Variants in HHIP observed in about 807,000 individuals in gnomAD.
The protein encoded by HHIP is hedgehog interacting protein, also known as hedgehog-interacting protein.
HHIP carries 12 observed loss-of-function variants against 74.0 expected under a neutral mutation model. The ratio of observed to expected loss-of-function variants is 0.16; its 90% CI spans 0.10 to 0.26. The LOEUF is 0.26. Among genes scored for constraint, HHIP ranks in the 10% least tolerant of loss-of-function variants. HHIP has a pLI of 1.00. For synonymous variants in HHIP, 309 were observed against 311.6 expected (o/e 0.99, Z 0.09); for missense variants, 788 against 845.0 (o/e 0.93, Z 0.84).
At chr4:144,679,444 G>T (rs1394242471) in intron 4 of HHIP, among the ~76,000 whole-genome samples, 1 of 152,180 alleles carries the variant, frequency 6.6e-6, no homozygotes, top group East Asian at 1.9e-4. Flanking sequence ...CAGTCATGAA[G>T]TCTTTGCCCA....
Position 144,665,821 on chromosome 4 carries a change from T to C in HHIP, c.831+5983T>C, listed in dbSNP as rs72733538. Among the ~76,000 whole-genome samples the C allele has an allele frequency of 1.2e-3, 187 of 152,322 alleles. 2 individuals carry two copies. Among genetic ancestry groups the C allele is most frequent in the Non-Finnish European group, 1.3e-3 (86 of 68,028 alleles). ...CAGATGCCATGTTTCTCCAGTTGAG[T>C]AGAGAAAGCCCTGCCTTCTCCTAAA... On this transcript the variant is annotated intron_variant, in intron 4 of 12. Coordinates refer to ENST00000296575, the MANE Select transcript of HHIP (RefSeq NM_022475.3).
At chr4:144,673,316 C>T (rs1729090772) in intron 4 of HHIP, among the ~76,000 whole-genome samples, 1 of 152,174 alleles carries the variant, frequency 6.6e-6, no homozygotes. Context: ...TACCTTCTTT[C>T]TCATAGTTTC....
Position 144,743,832 on chromosome 4 carries a change from T to C in HHIP, c.*5875T>C, listed in dbSNP as rs1443369615. On this transcript the variant is annotated 3_prime_UTR_variant, in exon 13 of 13. Coordinates refer to ENST00000296575, the MANE Select transcript of HHIP (RefSeq NM_022475.3). Reference sequence around the variant, plus strand: ...CAAACTAATTCTTGTACATTTTCCTTTTCACTAAAAAAATAACTAATTGAT... The same window carrying C: ...CAAACTAATTCTTGTACATTTTCCTCTTCACTAAAAAAATAACTAATTGAT... 6.6e-6 allele frequency: 1 copy of C among 152,094 alleles called. No individual in the cohort carries two copies. Among genetic ancestry groups the C allele is most frequent in the East Asian group, 1.9e-4 (1 of 5,204 alleles). The allele number at this position is 152,094 out of a possible 1,614,324, so 9.4% of individuals were successfully genotyped here.
At position 144,706,888 on chromosome 4, in the gene HHIP, T is replaced by C. The variant is rs578143936; in HGVS notation, c.984-199T>C. Among the ~76,000 whole-genome samples the C allele has an allele frequency of 5.3e-5, 8 of 152,300 alleles. No homozygotes were observed. In the South Asian group the frequency reaches 1.7e-3, roughly 32 times the overall value. On this transcript the variant is annotated intron_variant, in intron 5 of 12. Coordinates refer to ENST00000296575, the MANE Select transcript of HHIP (RefSeq NM_022475.3). Reference sequence around the variant, plus strand: ...GTTTTGACATTTTTCCTCAATTATCTCTCAACTTAAAGGCTACCTCTGAAA... The same window carrying C: ...GTTTTGACATTTTTCCTCAATTATCCCTCAACTTAAAGGCTACCTCTGAAA...
intron 10 of HHIP, among the ~76,000 whole-genome samples, chr4:144,716,269 T>C (rs1300627721): frequency 6.6e-6 from 1 of 152,194 alleles, no homozygotes; most frequent in African/African-American, 2.4e-5. Flanking sequence ...TTTTTTTACA[T>C]CAAATGGAGA....
intron 4 of HHIP, among the ~76,000 whole-genome samples, chr4:144,662,411 G>T (rs1487766899): frequency 6.6e-6 from 1 of 152,324 alleles, no homozygotes; most frequent in East Asian, 1.9e-4. Flanking sequence ...AATTGTAGGA[G>T]ATTGTAGTAC....
chr4:144,669,171 T>G (rs941884007), intron 4 of HHIP, among the ~76,000 whole-genome samples: 3 of 152,210 alleles, frequency 2.0e-5, no homozygotes, highest in African/African-American at 7.2e-5. Flanking sequence ...TGCCCAGAAC[T>G]GAGGACATAA....
chr4:144,662,318 C>T (rs1050498069), intron 4 of HHIP, among the ~76,000 whole-genome samples: 1 of 152,130 alleles, frequency 6.6e-6, no homozygotes, highest in African/African-American at 2.4e-5. Context: ...CATAAGGGAA[C>T]TTGGACAACT....
chr4:144,725,493 T>C (rs1730771183), intron 11 of HHIP, among the ~76,000 whole-genome samples: 1 of 152,196 alleles, frequency 6.6e-6, no homozygotes, highest in Non-Finnish European at 1.5e-5. Flanking sequence ...TCTACCTTTG[T>C]ATGATATGAA....
chr4:144,656,481 A>C (rs1055383510), intron 2 of HHIP, among the ~76,000 whole-genome samples: 7 of 152,162 alleles, frequency 4.6e-5, no homozygotes, highest in African/African-American at 1.7e-4. Context: ...TTTAAATTGG[A>C]ATTGACCACC....
chr4:144,693,270 T>A (rs1181138131), intron 4 of HHIP, among the ~76,000 whole-genome samples: 1 of 152,096 alleles, frequency 6.6e-6, no homozygotes, highest in Non-Finnish European at 1.5e-5. Flanking sequence ...GGTCAAATTA[T>A]GAACATACTA....
rs933215730 is a variant in HHIP, at chr4:144,682,227, C to T, written c.831+22389C>T. Among the ~76,000 whole-genome samples the T allele has an allele frequency of 2.0e-5, 3 of 152,298 alleles. No homozygotes were observed. The East Asian group carries it at 5.8e-4, about 29-fold the overall frequency. ...AGCAGAGGAGGAAGCAGGAGATTTG[C>T]AGGACAGCGAAAACTTCTCAACATA... On this transcript the variant is annotated intron_variant, in intron 4 of 12. Transcript: ENST00000296575.
chr4:144,687,794 G>C (rs1729531790), intron 4 of HHIP, among the ~76,000 whole-genome samples: 2 of 122,682 alleles, frequency 1.6e-5, no homozygotes, highest in Admixed American at 2.1e-4. Flanking sequence ...TTGGCCTATA[G>C]GTCATCTCAG....
At chr4:144,727,833 G>T (rs1297544724) in intron 11 of HHIP, among the ~76,000 whole-genome samples, 1 of 152,104 alleles carries the variant, frequency 6.6e-6, no homozygotes, top group East Asian at 1.9e-4. Flanking sequence ...AGATTAATAG[G>T]ACCTGAAATG....
chr4:144,714,296 G>C lies in HHIP; in HGVS notation c.1495G>C (p.Gly499Arg). The C allele has an allele frequency of 6.2e-7, 1 of 1,613,316 alleles. No homozygotes were observed. Among genetic ancestry groups the C allele is most frequent in the Non-Finnish European group, 8.5e-7 (1 of 1,179,532 alleles). Reference protein sequence around the residue: ...GPLVGGFVYRGCQSERLYGSY... With the variant: ...GPLVGGFVYRRCQSERLYGSY... ...TTTGGTTGGTGGATTTGTATACCGG[G>C]GCTGCCAGTCAGAAAGATTGTATGG... The change falls in exon 9 of 13, where the codon GGC becomes CGC. Residue 499 changes from glycine (G) to arginine (R), a missense_variant. By Grantham distance (125) the Gly-to-Arg change is moderately radical (BLOSUM62 -2). Transcript: ENST00000296575.
At chr4:144,671,500 A>G (rs564004904) in intron 4 of HHIP, among the ~76,000 whole-genome samples, 3 of 152,308 alleles carry the variant, frequency 2.0e-5, no homozygotes, top group African/African-American at 7.2e-5. Flanking sequence ...AGGTGACAGC[A>G]TCAATTTTCA....
At chr4:144,659,589 T>G (rs199571697) in intron 3 of HHIP, 48 bp from the exon 4 acceptor site, 8 of 1,269,786 alleles carry the variant, frequency 6.3e-6, no homozygotes, top group Non-Finnish European at 8.4e-6. Context: ...GCATCCCTTA[T>G]CTCCTTCATC....
intron 1 of HHIP, 51 bp downstream of exon 1, chr4:144,647,005 G>A: frequency 6.6e-7 from 1 of 1,507,184 alleles, no homozygotes; most frequent in Non-Finnish European, 8.9e-7. Flanking sequence ...TGGCTGGGTG[G>A]GGTTCCCTGT....
In HHIP at chr4:144,729,032, T is replaced by C. The variant is rs147839290; in HGVS notation, c.1761-5709T>C. Among the ~76,000 whole-genome samples the C allele has an allele frequency of 7.2e-5, 11 of 152,270 alleles. No individual in the cohort carries two copies. The East Asian group carries it at 2.1e-3, about 29-fold the overall frequency. On this transcript the variant is annotated intron_variant, in intron 11 of 12. Transcript: ENST00000296575. ...AGGAAAAATTCAGTGAGCAGCCAGA[T>C]TAAAGACAATTACGAAGAAGAAAAA...
Sources: allele counts gnomAD v4.1 joint callset (sites outside exome capture counted in the v4.1 genomes callset), GRCh38; gene constraint gnomAD v4.1.1; transcripts MANE v1.5; gene names NCBI Gene and HGNC (gene_info 2026-07-23, HGNC 2026-07-21).